The following DLG2 variants were observed in gnomAD, a reference collection of about 807,000 sequenced individuals.
The protein encoded by DLG2 is discs large MAGUK scaffold protein 2.
A neutral mutation model predicts 132.5 loss-of-function variants in DLG2; 45 were observed. The observed-to-expected ratio is 0.34, with a 90% CI of 0.27 to 0.44. The LOEUF (loss-of-function observed/expected upper bound fraction) is 0.44, where lower values mean the gene tolerates loss of function less well. DLG2 is among the 20% of genes least tolerant of loss of function. DLG2 has a pLI of 1.00. For missense variants in DLG2, 1,045 were observed against 1,196.9 expected, an observed-to-expected ratio of 0.87 and a Z score of 1.87; for synonymous variants, 424 against 419.6, an observed-to-expected ratio of 1.01 and a Z score of -0.13.
chr11:84,332,391 T>C (rs2098464578), intron 7 of DLG2, among the ~76,000 whole-genome samples: 1 of 152,010 alleles, frequency 6.6e-6, no homozygotes, highest in Admixed American at 6.5e-5. Context: ...TTTGTACTTT[T>C]AGTAGAGACG....
intron 7 of DLG2, among the ~76,000 whole-genome samples, chr11:84,307,525 T>A (rs2154385274): frequency 6.6e-6 from 1 of 151,996 alleles, no homozygotes. Context: ...TGAAACCCTG[T>A]CTCTACTAAA....
chr11:84,403,416 A>G (rs1333424655), intron 7 of DLG2, among the ~76,000 whole-genome samples: 3 of 152,064 alleles, frequency 2.0e-5, no homozygotes, highest in African/African-American at 7.2e-5. Flanking sequence ...ATTACTGTTT[A>G]TTTTATCTCC....
chr11:84,600,160 GA>G lies in DLG2; in HGVS notation c.358-65430del, dbSNP rs1159475882. On this transcript the variant is annotated intron_variant, in intron 6 of 27. Coordinates refer to ENST00000376104, the MANE Select transcript of DLG2 (RefSeq NM_001142699.3). ...AGAAAGAAGGAAAGAAAGAAAGAAG[GA>G]AAGAAAGAAAGAAAGAAAGAAAGAA... Among the ~76,000 whole-genome samples the G allele has an allele frequency of 4.2e-3, 114 of 27,090 alleles. 1 individual carries two copies. Among genetic ancestry groups the G allele is most frequent in the Non-Finnish European group, 6.6e-3 (91 of 13,824 alleles). The allele number at this position is 27,090 out of a possible 152,430, so 17.8% of individuals were successfully genotyped here.
chr11:84,769,623 C>T (rs948841494), intron 6 of DLG2, among the ~76,000 whole-genome samples: 2 of 151,982 alleles, frequency 1.3e-5, no homozygotes, highest in African/African-American at 4.8e-5. Flanking sequence ...TACAAGAAAC[C>T]TAGAGAACAC....
chr11:84,752,662 C>A (rs1256167465), intron 6 of DLG2, among the ~76,000 whole-genome samples: 2 of 146,950 alleles, frequency 1.4e-5, no homozygotes, highest in African/African-American at 5.0e-5. Context: ...TGGTGCGCTG[C>A]ACCCACTAAC....
intron 6 of DLG2, among the ~76,000 whole-genome samples, chr11:84,776,609 T>C (rs556568397): frequency 6.6e-6 from 1 of 152,324 alleles, no homozygotes; most frequent in South Asian, 2.1e-4. Flanking sequence ...CTGATTTCTG[T>C]CCAAAAAGTT....
intron 3 of DLG2, among the ~76,000 whole-genome samples, chr11:85,472,561 G>A (rs890774205): frequency 6.6e-6 from 1 of 152,158 alleles, no homozygotes; most frequent in Admixed American, 6.5e-5. Context: ...GCCTCCTAAA[G>A]TGCTGGGATT....
intron 7 of DLG2, among the ~76,000 whole-genome samples, chr11:84,297,130 G>GAAAA (rs1371157932): frequency 2.7e-5 from 4 of 146,568 alleles, no homozygotes; most frequent in Non-Finnish European, 4.5e-5. Context: ...CAAAGAATTT[G>GAAAA]AAAAAAAAAA....
At chr11:84,172,828 C>T (rs959467121) in intron 8 of DLG2, among the ~76,000 whole-genome samples, 3 of 152,084 alleles carry the variant, frequency 2.0e-5, no homozygotes, top group African/African-American at 7.2e-5. Flanking sequence ...AGGTGTGAGC[C>T]ACTGTGCAAG....
At chr11:84,259,800 A>G (rs1388126824) in intron 7 of DLG2, among the ~76,000 whole-genome samples, 3 of 152,176 alleles carry the variant, frequency 2.0e-5, no homozygotes, top group Non-Finnish European at 2.9e-5. Context: ...AACAAAACTA[A>G]TAACAGTAAG....
intron 21 of DLG2, chr11:83,486,395 C>T: frequency 5.4e-6 from 3 of 558,928 alleles, no homozygotes; most frequent in Non-Finnish European, 9.4e-6. Flanking sequence ...CAAAACAATG[C>T]CAAGAGGAGT....
chr11:83,814,733 T>C, intron 17 of DLG2: 1 of 174,178 alleles, frequency 5.7e-6, no homozygotes, highest in Admixed American at 6.0e-5. Flanking sequence ...CATAATTTCA[T>C]AAGCACTGGC....
chr11:84,371,098 GT>G (rs2098704463), intron 7 of DLG2, among the ~76,000 whole-genome samples: 1 of 151,926 alleles, frequency 6.6e-6, no homozygotes, highest in Admixed American at 6.6e-5. Context: ...TGTGAATAAT[GT>G]TTCTACTGGT....
chr11:84,031,760 T>C (rs1410802843), intron 11 of DLG2, among the ~76,000 whole-genome samples: 1 of 152,190 alleles, frequency 6.6e-6, no homozygotes, highest in African/African-American at 2.4e-5. Context: ...CTCTTTAGTA[T>C]ACTTCACAGA....
At chr11:85,065,560 TAA>T (rs911737719) in intron 6 of DLG2, among the ~76,000 whole-genome samples, 1 of 142,574 alleles carries the variant, frequency 7.0e-6, no homozygotes, top group Admixed American at 7.1e-5. Context: ...TTAATTTTAT[TAA>T]AAATTTTTTT....
chr11:83,947,410 T>C (rs2084305838), intron 14 of DLG2, among the ~76,000 whole-genome samples: 1 of 152,176 alleles, frequency 6.6e-6, no homozygotes, highest in African/African-American at 2.4e-5. Context: ...CAATATAAAG[T>C]CACAAAATCT....
chr11:85,071,291 G>GA (rs1006644463), intron 6 of DLG2, among the ~76,000 whole-genome samples: 11 of 151,780 alleles, frequency 7.2e-5, no homozygotes, highest in Admixed American at 2.6e-4. Context: ...TTCCCATTAG[G>GA]ATGACGCAGT....
At chr11:84,051,215 G>A (rs1695548789) in intron 11 of DLG2, among the ~76,000 whole-genome samples, 3 of 151,928 alleles carry the variant, frequency 2.0e-5, no homozygotes, top group South Asian at 2.1e-4. Context: ...AGTCAGTGTG[G>A]TGATTCCTCA....
intron 3 of DLG2, among the ~76,000 whole-genome samples, chr11:85,493,434 C>T (rs530863120): frequency 6.6e-6 from 1 of 152,168 alleles, no homozygotes; most frequent in Admixed American, 6.5e-5. Flanking sequence ...CTTCTTTGAC[C>T]TCATCCAAAA....
Sources: gnomAD v4.1 joint callset for allele counts (sites outside exome capture counted in the v4.1 genomes callset) on GRCh38, gnomAD v4.1.1 for gene constraint, MANE v1.5 for transcripts, NCBI Gene and HGNC (gene_info 2026-07-23, HGNC 2026-07-21) for gene names.